Variants in ARHGAP15 observed in about 807,000 individuals in gnomAD.
ARHGAP15 encodes the protein rho GTPase-activating protein 15.
Under a neutral mutation model 63.7 loss-of-function variants are expected in ARHGAP15, and 51 were observed. The observed-to-expected ratio is 0.80, with a 90% CI of 0.64 to 1.01. The LOEUF is 1.01. ARHGAP15 is among the 50% of genes least tolerant of loss of function. The pLI is 0.00. For missense variants in ARHGAP15, 560 were observed against 564.6 expected, an observed-to-expected ratio of 0.99 and a Z score of 0.08; for synonymous variants, 191 against 193.8, an observed-to-expected ratio of 0.99 and a Z score of 0.12.
chr2:143,758,566 G>A (rs1033424782), intron 13 of ARHGAP15, among the ~76,000 whole-genome samples: 13 of 152,054 alleles, frequency 8.5e-5, no homozygotes, highest in Non-Finnish European at 1.2e-4. Flanking sequence ...GGAAACACAC[G>A]ACTGCTTGTT....
intron 11 of ARHGAP15, among the ~76,000 whole-genome samples, chr2:143,574,756 G>A (rs1161081139): frequency 3.3e-5 from 5 of 151,994 alleles, no homozygotes; most frequent in Non-Finnish European, 7.4e-5. Context: ...CTTTAGGTTT[G>A]GTTAACTATA....
chr2:143,396,582 C>T (rs1161627195), intron 6 of ARHGAP15, among the ~76,000 whole-genome samples: 1 of 150,192 alleles, frequency 6.7e-6, no homozygotes, highest in Admixed American at 6.7e-5. Flanking sequence ...TAAGTACGCT[C>T]CATATAAATA....
chr2:143,280,395 A>T (rs1681782891), intron 6 of ARHGAP15, among the ~76,000 whole-genome samples: 1 of 152,118 alleles, frequency 6.6e-6, no homozygotes, highest in Non-Finnish European at 1.5e-5. Context: ...ATCAAGGGTC[A>T]GGTCATTTCT....
Position 143,574,344 on chromosome 2 carries a change from T to C in ARHGAP15, c.1003+17859T>C, listed in dbSNP as rs142839112. Among the ~76,000 whole-genome samples the C allele has an allele frequency of 1.9e-3, 292 of 152,252 alleles. 1 individual carries two copies. The highest frequency in any genetic ancestry group is 6.3e-3 in the African/African-American group (261 of 41,546). ...CCTTATTGTAGAAAGAGCCTAAAGC[T>C]ACTTTGGAAGCAGGTCATTTGCTCA... On this transcript the variant is annotated intron_variant, in intron 11 of 13. Coordinates refer to ENST00000295095, the MANE Select transcript of ARHGAP15 (RefSeq NM_018460.4).
At chr2:143,266,312 C>T (rs1162001784) in intron 6 of ARHGAP15, among the ~76,000 whole-genome samples, 1 of 151,980 alleles carries the variant, frequency 6.6e-6, no homozygotes, top group African/African-American at 2.4e-5. Flanking sequence ...CAATATAATA[C>T]AAATCAAACT....
At chr2:143,171,167 C>T (rs911130629) in intron 2 of ARHGAP15, among the ~76,000 whole-genome samples, 1 of 152,120 alleles carries the variant, frequency 6.6e-6, no homozygotes, top group Non-Finnish European at 1.5e-5. Context: ...CTATGCTTCA[C>T]CTCATGAACA....
At chr2:143,469,806 C>A (rs765608240) in intron 8 of ARHGAP15, among the ~76,000 whole-genome samples, 8 of 152,104 alleles carry the variant, frequency 5.3e-5, no homozygotes, top group Non-Finnish European at 8.8e-5. Context: ...AATACTATTT[C>A]TTTTTAATGT....
chr2:143,673,136 TAAA>T (rs1307952579), intron 12 of ARHGAP15, among the ~76,000 whole-genome samples: 2 of 151,978 alleles, frequency 1.3e-5, no homozygotes, highest in East Asian at 3.9e-4. Flanking sequence ...GGTAATAAAT[TAAA>T]AAAAAGAAAA....
chr2:143,487,952 A>G (rs755594249), intron 9 of ARHGAP15, among the ~76,000 whole-genome samples: 5 of 152,210 alleles, frequency 3.3e-5, no homozygotes, highest in Non-Finnish European at 7.3e-5. Context: ...CTAGGAAGAA[A>G]GTCTAAGACA....
At chr2:143,633,211 G>A (rs1285907840) in intron 12 of ARHGAP15, among the ~76,000 whole-genome samples, 7 of 152,034 alleles carry the variant, frequency 4.6e-5, no homozygotes, top group South Asian at 4.1e-4. Context: ...ACGTGTGCAC[G>A]CAAACTGGAA....
chr2:143,197,921 G>A (rs13032320), intron 2 of ARHGAP15, among the ~76,000 whole-genome samples: 26,362 of 151,472 alleles, frequency 0.17, 2,520 homozygotes, highest in Middle Eastern at 0.24. Flanking sequence ...TTTTATGCAC[G>A]TGGAGGCTCT....
chr2:143,763,666 C>CAT (rs886938131), intron 13 of ARHGAP15, among the ~76,000 whole-genome samples: 25 of 148,766 alleles, frequency 1.7e-4, no homozygotes, highest in Admixed American at 6.7e-4. Context: ...ATATAAATTG[C>CAT]ATATATATGC....
chr2:143,351,655 A>G (rs546229138), intron 6 of ARHGAP15, among the ~76,000 whole-genome samples: 1 of 152,206 alleles, frequency 6.6e-6, no homozygotes, highest in East Asian at 1.9e-4. Context: ...GGCATCTGTA[A>G]TTATGTTAGC....
At chr2:143,357,401 T>A (rs1371382115) in intron 6 of ARHGAP15, among the ~76,000 whole-genome samples, 2 of 151,976 alleles carry the variant, frequency 1.3e-5, no homozygotes, top group Non-Finnish European at 2.9e-5. Flanking sequence ...CAAAAACACA[T>A]AATAGCTATT....
chr2:143,492,273 T>C (rs947185904), intron 9 of ARHGAP15, among the ~76,000 whole-genome samples: 4 of 152,134 alleles, frequency 2.6e-5, no homozygotes, highest in Admixed American at 2.0e-4. Context: ...GCAAGATGCC[T>C]ACATCTCTAC....
intron 6 of ARHGAP15, among the ~76,000 whole-genome samples, chr2:143,263,040 T>C (rs1437505016): frequency 6.6e-6 from 1 of 152,116 alleles, no homozygotes; most frequent in African/African-American, 2.4e-5. Flanking sequence ...CATGCATTGA[T>C]TCAGTGAATA....
intron 6 of ARHGAP15, chr2:143,344,086 G>A (rs1685170245): frequency 1.3e-5 from 2 of 152,048 alleles, no homozygotes; most frequent in Non-Finnish European, 2.9e-5. Context: ...AGTCTCTGAT[G>A]TACACACATT....
At chr2:143,669,127 A>G (rs1682385585) in intron 12 of ARHGAP15, among the ~76,000 whole-genome samples, 1 of 152,346 alleles carries the variant, frequency 6.6e-6, no homozygotes, top group East Asian at 1.9e-4. Context: ...TAAGCACACT[A>G]AAAGTATCCA....
At chr2:143,671,288 T>G (rs1354743730) in intron 12 of ARHGAP15, among the ~76,000 whole-genome samples, 1 of 152,106 alleles carries the variant, frequency 6.6e-6, no homozygotes, top group Non-Finnish European at 1.5e-5. Context: ...TGCTTCTAGG[T>G]ATGCATGTAT....
Sources: allele counts gnomAD v4.1 joint callset (sites outside exome capture counted in the v4.1 genomes callset), GRCh38; gene constraint gnomAD v4.1.1; transcripts MANE v1.5; gene names NCBI Gene and HGNC (gene_info 2026-07-23, HGNC 2026-07-21).